Variants in CLVS1 observed in about 807,000 individuals in gnomAD.
CLVS1 encodes clavesin-1.
CLVS1 carries 10 observed loss-of-function variants against 33.1 expected under a neutral mutation model. The observed-to-expected ratio is 0.30, with a 90% CI of 0.19 to 0.51. CLVS1 has a LOEUF of 0.51. Ranked by LOEUF, CLVS1 falls within the 20% of genes least tolerant of loss-of-function variation. The probability of loss-of-function intolerance (pLI) is 0.97; values close to 1 mark genes in which losing one functional copy is unlikely to be tolerated. For missense variants in CLVS1, 343 were observed against 433.4 expected, an observed-to-expected ratio of 0.79 and a Z score of 1.85; for synonymous variants, 163 against 166.1, an observed-to-expected ratio of 0.98 and a Z score of 0.14.
chr8:61,219,212 G>A (rs764845727), intron 2 of CLVS1, among the ~76,000 whole-genome samples: 7 of 151,434 alleles, frequency 4.6e-5, no homozygotes, highest in Non-Finnish European at 8.8e-5. Flanking sequence ...GGATACATGC[G>A]CAGAACATGC....
intron 5 of CLVS1, 92 bp downstream of exon 5, chr8:61,458,634 T>C: frequency 1.3e-6 from 1 of 797,052 alleles, no homozygotes; most frequent in Non-Finnish European, 2.0e-6. Flanking sequence ...TAAAGACCTT[T>C]ATGGGCAGAG....
chr8:60,993,224 T>G, the CLVS1 span, among the ~76,000 whole-genome samples: 1 of 152,222 alleles, frequency 6.6e-6, no homozygotes, highest in East Asian at 1.9e-4. Flanking sequence ...TCTCTAGATC[T>G]CAATACATTT....
At chr8:61,231,989 A>G (rs1808441339) in intron 2 of CLVS1, among the ~76,000 whole-genome samples, 1 of 144,028 alleles carries the variant, frequency 6.9e-6, no homozygotes, top group Non-Finnish European at 1.5e-5. Flanking sequence ...TGCTCAAAGG[A>G]GCAGCCAGAG....
chr8:61,311,131 G>T (rs1475269518), intron 2 of CLVS1, among the ~76,000 whole-genome samples: 1 of 152,144 alleles, frequency 6.6e-6, no homozygotes, highest in Non-Finnish European at 1.5e-5. Context: ...TTCTCATTCA[G>T]TGTAAAGAGC....
intron 2 of CLVS1, among the ~76,000 whole-genome samples, chr8:61,339,389 A>G (rs1585824490): frequency 6.6e-6 from 1 of 151,990 alleles, no homozygotes; most frequent in African/African-American, 2.4e-5. Flanking sequence ...AAGGTGGGAG[A>G]GATCTTTATA....
rs544871393 is a variant in CLVS1, at chr8:61,173,215, A to G, written c.-152+41355A>G. On this transcript the variant is annotated intron_variant, in intron 2 of 2. Coordinates refer to the CLVS1 transcript ENST00000522621. ...AGTGGCTTTGGTGCAATTCAGAGAT[A>G]TAAGTAAGCATTCCCCTGGAATATC... 8.5e-5 allele frequency among the ~76,000 whole-genome samples: 13 copies of G among 152,350 alleles called. No homozygotes were observed. The South Asian group carries it at 1.2e-3, about 15-fold the overall frequency.
intron 3 of CLVS1, among the ~76,000 whole-genome samples, chr8:61,400,738 A>G (rs1217790927): frequency 6.6e-6 from 1 of 152,146 alleles, no homozygotes; most frequent in Admixed American, 6.6e-5. Flanking sequence ...AGTTGTTAAC[A>G]TGAAACGATG....
intron 2 of CLVS1, among the ~76,000 whole-genome samples, chr8:61,193,166 T>C (rs1315922248): frequency 6.6e-6 from 1 of 152,156 alleles, no homozygotes; most frequent in Non-Finnish European, 1.5e-5. Context: ...GTGGCACATA[T>C]ACACCATGGA....
chr8:61,146,014 C>G (rs1806407819), intron 2 of CLVS1, among the ~76,000 whole-genome samples: 1 of 152,182 alleles, frequency 6.6e-6, no homozygotes, highest in Admixed American at 6.5e-5. Flanking sequence ...TTTCTCAGAC[C>G]TATTGCATTG....
At chr8:61,099,905 C>T (rs886218215) in intron 1 of CLVS1, among the ~76,000 whole-genome samples, 2 of 152,128 alleles carry the variant, frequency 1.3e-5, no homozygotes, top group Non-Finnish European at 2.9e-5. Flanking sequence ...GCAATATAAT[C>T]GGATATATAG....
chr8:61,158,379 G>A (rs1382853315), intron 2 of CLVS1, among the ~76,000 whole-genome samples: 1 of 152,176 alleles, frequency 6.6e-6, no homozygotes, highest in Non-Finnish European at 1.5e-5. Context: ...CATTTGATGT[G>A]TACGTGTTAA....
chr8:61,168,792 T>G (rs995284420), intron 2 of CLVS1, among the ~76,000 whole-genome samples: 4 of 152,180 alleles, frequency 2.6e-5, no homozygotes, highest in Non-Finnish European at 5.9e-5. Flanking sequence ...CTTTATGACA[T>G]TTAGCCTGCA....
At chr8:61,094,537 T>C (rs1394703490) in intron 1 of CLVS1, among the ~76,000 whole-genome samples, 1 of 152,194 alleles carries the variant, frequency 6.6e-6, no homozygotes, top group African/African-American at 2.4e-5. Flanking sequence ...TGTACTGAAT[T>C]GTGTCTCCCT....
At chr8:61,094,059 C>T (rs952941702) in intron 1 of CLVS1, among the ~76,000 whole-genome samples, 3 of 152,184 alleles carry the variant, frequency 2.0e-5, no homozygotes, top group African/African-American at 4.8e-5. Flanking sequence ...CACAGCCAGG[C>T]GCTTGTTTGA....
chr8:61,480,628 C>T lies in CLVS1; in HGVS notation c.978-18827C>T, dbSNP rs546931589. ...CCGGCACTCCCCAGTGAGATGAACC[C>T]GGTACCTCAGTTGGTAATGCAGAAA... On this transcript the variant is annotated intron_variant, in intron 5 of 5. Coordinates refer to ENST00000325897, the MANE Select transcript of CLVS1 (RefSeq NM_173519.3). Among the ~76,000 whole-genome samples, 98 of 152,212 alleles carry T rather than the reference C, an allele frequency of 6.4e-4. 1 individual carries two copies. In the Middle Eastern group the frequency reaches 0.027, roughly 42 times the overall value.
chr8:61,078,957 T>C (rs1242401338), intron 1 of CLVS1, among the ~76,000 whole-genome samples: 2 of 152,196 alleles, frequency 1.3e-5, no homozygotes, highest in African/African-American at 4.8e-5. Context: ...TATTTATTTG[T>C]AGAATTTTCC....
intron 2 of CLVS1, among the ~76,000 whole-genome samples, chr8:61,321,197 G>T (rs772198756): frequency 2.0e-5 from 3 of 152,084 alleles, no homozygotes; most frequent in Admixed American, 2.0e-4. Context: ...CTTGGCAGGA[G>T]AATTCTGCAT....
At chr8:61,179,253 C>A (rs1218469783) in intron 2 of CLVS1, among the ~76,000 whole-genome samples, 9 of 152,120 alleles carry the variant, frequency 5.9e-5, no homozygotes, top group Non-Finnish European at 1.3e-4. Flanking sequence ...CAAAGAAGGG[C>A]ATTACATAAT....
intron 2 of CLVS1, among the ~76,000 whole-genome samples, chr8:61,365,277 C>T (rs191172663): frequency 3.9e-4 from 59 of 152,170 alleles, no homozygotes; most frequent in African/African-American, 1.4e-3. Context: ...TCTGTAATCC[C>T]AGTACTTTGG....
Sources: allele counts gnomAD v4.1 joint callset (sites outside exome capture counted in the v4.1 genomes callset), GRCh38; gene constraint gnomAD v4.1.1; transcripts MANE v1.5; gene names NCBI Gene and HGNC (gene_info 2026-07-23, HGNC 2026-07-21).